MAP1S: variants seen among roughly 807,000 people sequenced by gnomAD.
The protein encoded by MAP1S is microtubule-associated protein 1S.
MAP1S carries 27 observed loss-of-function variants against 60.9 expected under a neutral mutation model. The observed-to-expected ratio is 0.44, with a 90% CI of 0.33 to 0.61. The LOEUF is 0.61. Among genes scored for constraint, MAP1S ranks in the 20% least tolerant of loss-of-function variants. The pLI is 0.03. For synonymous variants in MAP1S, 826 were observed against 694.2 expected, an observed-to-expected ratio of 1.19 and a Z score of -2.98; for missense variants, 1,608 against 1,486.6, an observed-to-expected ratio of 1.08 and a Z score of -1.34.
intron 2 of MAP1S, 24 bp downstream of exon 2, chr19:17,721,061 G>T: frequency 6.3e-7 from 1 of 1,580,466 alleles, no homozygotes; most frequent in Non-Finnish European, 8.7e-7. Context: ...CCCCCTGACT[G>T]CTCCCTACCT....
At position 17,727,601 on chromosome 19, in the gene MAP1S, G is replaced by C; in HGVS notation, c.2217G>C (p.Leu739=). The change falls in exon 5 of 7, where the codon CTG becomes CTC. Residue 739 remains leucine, a synonymous_variant. Transcript: ENST00000324096. The surrounding 1 kb of genome is among the most constrained non-coding windows in gnomAD (Gnocchi z 4.1). Reference sequence around the variant, plus strand: ...CCCCACACGATGTGGACCTGTGCCTGGTGTCACCCTGTGAATTTGAGCATC... The same window carrying C: ...CCCCACACGATGTGGACCTGTGCCTCGTGTCACCCTGTGAATTTGAGCATC... ...SASPHDVDLC[L]VSPCEFEHRK... is the part of the protein sequence containing the mutation. 6.2e-7 allele frequency: 1 copy of C among 1,607,438 alleles called. No homozygotes were observed.
chr19:17,720,843 G>T, intron 1 of MAP1S, 93 bp from the exon 2 acceptor site: 1 of 951,396 alleles, frequency 1.1e-6, no homozygotes. Flanking sequence ...AGGAGGCTGG[G>T]GCGCTCCCCA....
At chr19:17,731,705 G>A (rs962325157) in intron 5 of MAP1S, among the ~76,000 whole-genome samples, 7 of 152,096 alleles carry the variant, frequency 4.6e-5, no homozygotes, top group African/African-American at 7.2e-5. Context: ...TCACTCTGTC[G>A]CCCAGGCTGG....
chr19:17,726,937 A>G lies in MAP1S; in HGVS notation c.1553A>G (p.Glu518Gly). The G allele has an allele frequency of 6.4e-7, 1 of 1,571,370 alleles. No homozygotes were observed. The highest frequency in any genetic ancestry group is 8.6e-7 in the Non-Finnish European group (1 of 1,159,038). ...RAEAPRKTEK[E>G]AKTPRELKKD... ...GAGGCCCCACGCAAGACTGAGAAAG[A>G]AGCCAAGACCCCCCGGGAGTTGAAG... is the stretch of plus-strand genomic sequence containing the variant. Residue 518 changes from glutamate to glycine, a missense_variant, in exon 5 of 7, where the codon GAA becomes GGA. Physicochemically the swap from Glu to Gly is moderately conservative, Grantham distance 98. This residue lies in a region of MAP1S where 1,167 missense variants were observed against 961.4 expected (regional missense o/e 1.21). Transcript: ENST00000324096.
In MAP1S at chr19:17,727,795, C is replaced by T. The variant is rs1262399391; in HGVS notation, c.2411C>T (p.Pro804Leu). The change falls in exon 5 of 7, where the codon CCC becomes CTC. Residue 804 changes from proline (P) to leucine (L), a missense_variant. By Grantham distance (98) the Pro-to-Leu change is moderately conservative. Around this residue, in one of 4 missense-constraint regions of MAP1S, gnomAD observed 1,167 missense variants for 961.4 expected, o/e 1.21. Coordinates refer to ENST00000324096, the MANE Select transcript of MAP1S (RefSeq NM_018174.6). This position sits in a 1 kb window ranked among gnomAD's most constrained non-coding sequence, Gnocchi z 4.1. ...GACTCGGATCCCGTGCCCCTGGCCC[C>T]CGGTGCGGCAGACTCAGACGAAGAC... ...LSDSDPVPLA[P>L]GAADSDEDTE... 1 of 1,612,336 alleles carries T rather than the reference C, an allele frequency of 6.2e-7. No homozygotes were observed. The highest frequency in any genetic ancestry group is 8.5e-7 in the Non-Finnish European group (1 of 1,179,384).
intron 5 of MAP1S, among the ~76,000 whole-genome samples, chr19:17,732,029 A>G (rs2080497622): frequency 6.6e-6 from 1 of 152,250 alleles, no homozygotes; most frequent in Non-Finnish European, 1.5e-5. Flanking sequence ...GTAGAATTAA[A>G]TATCTGTGCC....
chr19:17,734,101 C>T (rs984619562), intron 6 of MAP1S, among the ~76,000 whole-genome samples, 172 bp from the exon 7 acceptor site: 7 of 152,126 alleles, frequency 4.6e-5, no homozygotes, highest in African/African-American at 7.2e-5. Context: ...ACCTCACAGA[C>T]GGGCTGACCA....
rs375070801 is a variant in MAP1S, at chr19:17,725,206, C to T, written c.444+17C>T. 187 of 1,595,142 alleles carry T rather than the reference C, an allele frequency of 1.2e-4. No homozygotes were observed. The highest frequency in any genetic ancestry group is 1.7e-4 in the Middle Eastern group (1 of 5,850). On this transcript the variant is annotated intron_variant, in intron 4 of 6. Coordinates refer to ENST00000324096, the MANE Select transcript of MAP1S (RefSeq NM_018174.6). The surrounding 1 kb of genome is among the most constrained non-coding windows in gnomAD (Gnocchi z 4.2). ...GACAGAGAGGTAAGCCACCCCTTTG[C>T]CATCCCCTGCTTCCCCAGCTCTGAA...
chr19:17,723,718 C>T (rs555769683), intron 2 of MAP1S, among the ~76,000 whole-genome samples: 7 of 152,056 alleles, frequency 4.6e-5, no homozygotes, highest in South Asian at 4.2e-4. Context: ...GGTGTGGTGG[C>T]GGGCACCTGT....
chr19:17,730,425 C>T (rs1032891361), intron 5 of MAP1S, among the ~76,000 whole-genome samples: 1 of 152,072 alleles, frequency 6.6e-6, no homozygotes, highest in Non-Finnish European at 1.5e-5. Flanking sequence ...GTGATCCTCC[C>T]AGCTCAGCCT....
At chr19:17,731,036 C>T (rs1388633897) in intron 5 of MAP1S, among the ~76,000 whole-genome samples, 1 of 151,916 alleles carries the variant, frequency 6.6e-6, no homozygotes, top group African/African-American at 2.4e-5. Context: ...CGATTACAGG[C>T]ACCCACCACC....
Position 17,726,802 on chromosome 19 carries a change from AAG to A in MAP1S, c.1423_1424del (p.Ser475ArgfsTer18). 1.3e-6 allele frequency: 2 copies of A among 1,558,240 alleles called. No individual in the cohort carries two copies. Among genetic ancestry groups the A allele is most frequent in the Non-Finnish European group, 8.7e-7 (1 of 1,152,238 alleles). On this transcript the variant is annotated frameshift_variant, in exon 5 of 7. Coordinates refer to ENST00000324096, the MANE Select transcript of MAP1S (RefSeq NM_018174.6). LOFTEE classifies it high-confidence loss of function. The stretch of plus-strand genomic sequence containing the variant: ...GAGGGGCCGGGGCGAGCCGAGAGCA[AAG>A]AGAGCGTGGGCTCCCGGGACAGCTC...
Position 17,725,333 on chromosome 19 carries a change from C to T in MAP1S, c.444+144C>T. 1 of 1,006,946 alleles carries T rather than the reference C, an allele frequency of 9.9e-7. No homozygotes were observed. Among genetic ancestry groups the T allele is most frequent in the African/African-American group, 1.6e-5 (1 of 61,318 alleles). The allele number at this position is 1,006,946 out of a possible 1,614,324, so 62.4% of individuals were successfully genotyped here. ...AGGATGGCAGTGGTGACACATGCCT[C>T]CTGGCTGTCTGGGGTCAGTCCCATT... On this transcript the variant is annotated intron_variant, in intron 4 of 6. Transcript: ENST00000324096. This position sits in a 1 kb window ranked among gnomAD's most constrained non-coding sequence, Gnocchi z 4.2.
Position 17,722,875 on chromosome 19 carries a change from A to G in MAP1S, c.221-1251A>G, listed in dbSNP as rs371803027. Among the ~76,000 whole-genome samples the G allele has an allele frequency of 5.0e-3, 761 of 151,776 alleles. 6 individuals carry two copies. Among genetic ancestry groups the G allele is most frequent in the African/African-American group, 0.017 (702 of 41,370 alleles). ...GAGAGAAAGGGAAAAGAAGGAAAGA[A>G]AGGAAAGAAAGTTAAATGTGATAAG... On this transcript the variant is annotated intron_variant, in intron 2 of 6. Transcript: ENST00000324096.
intron 5 of MAP1S, 26 bp from the exon 6 acceptor site, chr19:17,733,167 C>G: frequency 4.7e-6 from 7 of 1,476,734 alleles, no homozygotes; most frequent in Non-Finnish European, 6.4e-6. Flanking sequence ...GAGCTCATCC[C>G]TGCCTCCCCA....
Position 17,727,575 on chromosome 19 carries a change from TC to T in MAP1S, c.2195del (p.Pro732HisfsTer278). 1.2e-6 allele frequency: 2 copies of T among 1,607,154 alleles called. No individual in the cohort carries two copies. Among genetic ancestry groups the T allele is most frequent in the Non-Finnish European group, 1.7e-6 (2 of 1,179,462 alleles). On this transcript the variant is annotated frameshift_variant, in exon 5 of 7. Transcript: ENST00000324096. LOFTEE classifies it high-confidence loss of function. This position sits in a 1 kb window ranked among gnomAD's most constrained non-coding sequence, Gnocchi z 4.1. Reference protein sequence around the residue: ...LRGPRARRSASPHDVDLCLVS... With the variant: ...LRGPRARRSAXPHDVDLCLVS... ...TGGCCCCCGGGCGCGGCGCTCGGCT[TC>T]CCCACACGATGTGGACCTGTGCCTG...
At chr19:17,724,294 GC>G (rs1282578792) in intron 3 of MAP1S, 86 bp downstream of exon 3, 87 of 1,104,358 alleles carry the variant, frequency 7.9e-5, no homozygotes, top group Non-Finnish European at 1.1e-4. Flanking sequence ...TTGTCTTCAT[GC>G]TGCCCCAGAT....
At chr19:17,724,956 G>T (rs1322485983) in intron 3 of MAP1S, 93 bp from the exon 4 acceptor site, 1 of 1,507,360 alleles carries the variant, frequency 6.6e-7, no homozygotes, top group African/African-American at 1.4e-5. Context: ...CAGGAGAGGG[G>T]TGGTTATGTA....
chr19:17,728,289 C>T lies in MAP1S; in HGVS notation c.2788+117C>T, dbSNP rs911476299. ...TTTAAAAGAGATGGTCTCACTCTGT[C>T]TCTGAGCTGGAGTGCAGTGGTGTGG... is the stretch of plus-strand genomic sequence containing the variant. On this transcript the variant is annotated intron_variant, in intron 5 of 6. Coordinates refer to ENST00000324096, the MANE Select transcript of MAP1S (RefSeq NM_018174.6). 3.4e-6 allele frequency: 4 copies of T among 1,184,120 alleles called. No homozygotes were observed. In the Admixed American group the frequency reaches 1.2e-4, roughly 35 times the overall value. 73.4% of individuals were successfully genotyped at this position (1,184,120 alleles called of 1,614,324 possible). A position where few individuals can be genotyped will look rare whatever the true frequency, so the allele number is the denominator to read the frequency against.
Sources: gnomAD v4.1 joint callset for allele counts (sites outside exome capture counted in the v4.1 genomes callset) on GRCh38, gnomAD v4.1.1 for gene constraint, gnomAD v4.1.1 regional missense constraint, Gnocchi (gnomAD v3.1) non-coding constraint, MANE v1.5 for transcripts, NCBI Gene and HGNC (gene_info 2026-07-23, HGNC 2026-07-21) for gene names.